NELL1: variants seen among roughly 807,000 people sequenced by gnomAD.
NELL1 encodes the protein neural EGFL like 1, also known as protein kinase C-binding protein NELL1.
NELL1 carries 76 observed loss-of-function variants against 107.4 expected under a neutral mutation model. The observed-to-expected ratio is 0.71, with a 90% confidence interval of 0.59 to 0.86. The LOEUF is 0.86. NELL1 is among the 40% of genes least tolerant of loss of function. The pLI is 0.00. For synonymous variants in NELL1, 353 were observed against 341.2 expected (o/e 1.03, Z -0.38); for missense variants, 1,024 against 1,005.5 (o/e 1.02, Z -0.25).
chr11:21,518,829 G>T (rs1387031044), intron 15 of NELL1, among the ~76,000 whole-genome samples: 2 of 152,140 alleles, frequency 1.3e-5, no homozygotes, highest in Non-Finnish European at 2.9e-5. Flanking sequence ...TTTCAGACTT[G>T]TTTCCTTTAG....
chr11:20,719,432 A>G (rs1314608601), intron 2 of NELL1, among the ~76,000 whole-genome samples: 1 of 151,878 alleles, frequency 6.6e-6, no homozygotes, highest in African/African-American at 2.4e-5. Flanking sequence ...ACACACACAC[A>G]CACACACACA....
intron 3 of NELL1, among the ~76,000 whole-genome samples, chr11:20,792,456 G>A (rs1243025578): frequency 6.6e-6 from 1 of 151,716 alleles, no homozygotes; most frequent in South Asian, 2.1e-4. Context: ...TTAATAAACT[G>A]TCTAGTAGTA....
chr11:21,089,611 T>C (rs980885718), intron 12 of NELL1, among the ~76,000 whole-genome samples: 1 of 152,330 alleles, frequency 6.6e-6, no homozygotes, highest in African/African-American at 2.4e-5. Context: ...TGTGGCAAGG[T>C]AATCCATCTG....
chr11:20,722,806 G>A (rs1004868366), intron 2 of NELL1, among the ~76,000 whole-genome samples: 8 of 152,164 alleles, frequency 5.3e-5, no homozygotes, highest in Admixed American at 2.6e-4. Context: ...CTCTGTATCA[G>A]TCTATTCTCA....
intron 17 of NELL1, among the ~76,000 whole-genome samples, chr11:21,564,484 G>T (rs1856924439): frequency 6.6e-6 from 1 of 151,874 alleles, no homozygotes; most frequent in Non-Finnish European, 1.5e-5. Flanking sequence ...TCTGCAAGTT[G>T]GGCTTGTATA....
At chr11:20,895,505 T>G (rs185668591) in intron 5 of NELL1, among the ~76,000 whole-genome samples, 1,530 of 29,992 alleles carry the variant, frequency 0.051, 83 homozygotes, top group Admixed American at 0.32. Context: ...GATATTTGCC[T>G]TTTTTTTTTT....
chr11:21,358,394 T>TTTTTG (rs890329950), intron 14 of NELL1, among the ~76,000 whole-genome samples: 1 of 151,850 alleles, frequency 6.6e-6, no homozygotes, highest in African/African-American at 2.4e-5. Context: ...TGTAAGGTTT[T>TTTTTG]TTTTGTTTTG....
rs369847008 is a variant in NELL1 at position 21,516,833 on chromosome 11, C to G, written c.1646-17541C>G. Among the ~76,000 whole-genome samples, 6 of 149,872 alleles carry G rather than the reference C, an allele frequency of 4.0e-5. No homozygotes were observed. The South Asian group carries it at 8.4e-4, about 21-fold the overall frequency. On this transcript the variant is annotated intron_variant, in intron 15 of 19. Transcript: ENST00000357134. ...TATTTTTTTTTTTTTGAGACGGAGTCTCGCTCTGTTGCCCAGGCTGAAGTG... is the reference window on the plus strand; with the variant it reads ...TATTTTTTTTTTTTTGAGACGGAGTGTCGCTCTGTTGCCCAGGCTGAAGTG...
At chr11:21,573,742 A>T (rs891425087) in intron 19 of NELL1, among the ~76,000 whole-genome samples, 1 of 151,786 alleles carries the variant, frequency 6.6e-6, no homozygotes, top group African/African-American at 2.4e-5. Flanking sequence ...GGAAAGAACA[A>T]GGAAGGGAAG....
intron 14 of NELL1, among the ~76,000 whole-genome samples, chr11:21,286,332 T>C (rs1436784588): frequency 1.3e-5 from 2 of 152,188 alleles, no homozygotes; most frequent in African/African-American, 2.4e-5. Flanking sequence ...ATGACCCTGA[T>C]AGTCACTTTA....
intron 15 of NELL1, among the ~76,000 whole-genome samples, chr11:21,462,976 A>G (rs2133874644): frequency 6.6e-6 from 1 of 152,196 alleles, no homozygotes; most frequent in Middle Eastern, 3.4e-3. Flanking sequence ...CACCAAGAAA[A>G]AAATGTGGCC....
chr11:21,046,105 A>C (rs1166202777), intron 12 of NELL1, among the ~76,000 whole-genome samples: 1 of 152,168 alleles, frequency 6.6e-6, no homozygotes, highest in Non-Finnish European at 1.5e-5. Context: ...ATTTTAATTC[A>C]TTCTCTAAGG....
intron 2 of NELL1, among the ~76,000 whole-genome samples, chr11:20,745,971 A>C (rs1390013100): frequency 1.3e-5 from 2 of 152,208 alleles, no homozygotes; most frequent in African/African-American, 4.8e-5. Context: ...AGGAAAAAGA[A>C]TTTCTTACCT....
At chr11:20,692,828 T>G (rs1208009964) in intron 2 of NELL1, among the ~76,000 whole-genome samples, 2 of 152,176 alleles carry the variant, frequency 1.3e-5, no homozygotes, top group South Asian at 2.1e-4. Context: ...TGAGTTCAAT[T>G]CCCGGGTATA....
At chr11:20,714,308 G>C (rs1590227594) in intron 2 of NELL1, among the ~76,000 whole-genome samples, 1 of 137,964 alleles carries the variant, frequency 7.2e-6, no homozygotes, top group Admixed American at 7.9e-5. Flanking sequence ...GGCTCAAGCA[G>C]TTCTCCTGCC....
chr11:21,169,390 A>G (rs1565093788), intron 13 of NELL1, among the ~76,000 whole-genome samples: 1 of 151,778 alleles, frequency 6.6e-6, no homozygotes, highest in Non-Finnish European at 1.5e-5. Context: ...GTATCTGGTA[A>G]CCATGTTTCT....
intron 12 of NELL1, among the ~76,000 whole-genome samples, chr11:21,048,948 T>C (rs144034098): frequency 1.4e-3 from 217 of 152,208 alleles, no homozygotes; most frequent in African/African-American, 4.9e-3. Context: ...CAGGAATTTA[T>C]TGGGGGGTCT....
intron 14 of NELL1, among the ~76,000 whole-genome samples, chr11:21,303,469 G>T (rs1428370772): frequency 1.3e-5 from 2 of 151,888 alleles, no homozygotes; most frequent in African/African-American, 4.8e-5. Flanking sequence ...AAGTCAAAAA[G>T]CCTAATGGGT....
chr11:21,572,697 T>C (rs1857128841), intron 18 of NELL1, among the ~76,000 whole-genome samples: 1 of 151,906 alleles, frequency 6.6e-6, no homozygotes, highest in African/African-American at 2.4e-5. Flanking sequence ...TGCCCAATCT[T>C]AACTTTAAAT....
Sources: gnomAD v4.1 joint callset for allele counts (sites outside exome capture counted in the v4.1 genomes callset) on GRCh38, gnomAD v4.1.1 for gene constraint, MANE v1.5 for transcripts, NCBI Gene and HGNC (gene_info 2026-07-23, HGNC 2026-07-21) for gene names.